Variants in FAM114A1 observed in about 807,000 individuals in gnomAD.
The protein encoded by FAM114A1 is protein NOXP20.
A neutral mutation model predicts 64.3 loss-of-function variants in FAM114A1; 62 were observed. The ratio of observed to expected loss-of-function variants is 0.96; its 90% CI spans 0.79 to 1.19. The LOEUF is 1.19. FAM114A1 is among the 50% of genes most tolerant of loss of function. FAM114A1 has a pLI of 0.00. For missense variants in FAM114A1, 645 were observed against 676.3 expected (o/e 0.95, Z 0.51); for synonymous variants, 254 against 251.1 (o/e 1.01, Z -0.11).
At chr4:38,932,841 A>T (rs115219193) in intron 12 of FAM114A1, among the ~76,000 whole-genome samples, 2,737 of 149,736 alleles carry the variant, frequency 0.018, 80 homozygotes, top group African/African-American at 0.063. Flanking sequence ...TTCTACGGTC[A>T]TCTTAAGAAA....
intron 1 of FAM114A1, 125 bp downstream of exon 1, chr4:38,867,959 C>T: frequency 1.2e-5 from 4 of 324,326 alleles, no homozygotes; most frequent in South Asian, 9.1e-5. Context: ...CGAATCCTGC[C>T]CTCTGCGTTA....
intron 2 of FAM114A1, among the ~76,000 whole-genome samples, chr4:38,873,078 A>G (rs983133068): frequency 6.6e-6 from 1 of 152,176 alleles, no homozygotes; most frequent in East Asian, 1.9e-4. Flanking sequence ...CCTTCTCTAT[A>G]CAGTGGGTTT....
chr4:38,922,186 T>C (rs1288352360), intron 8 of FAM114A1, among the ~76,000 whole-genome samples: 1 of 152,142 alleles, frequency 6.6e-6, no homozygotes, highest in African/African-American at 2.4e-5. Flanking sequence ...GTGATCCGCC[T>C]GCCTCGGCCT....
chr4:38,943,617 A>G lies in FAM114A1; in HGVS notation c.*60A>G, dbSNP rs1721749772. 3 of 1,414,604 alleles carry G rather than the reference A, an allele frequency of 2.1e-6. No homozygotes were observed. Among genetic ancestry groups the G allele is most frequent in the Non-Finnish European group, 3.0e-6 (3 of 1,001,452 alleles). The allele number at this position is 1,414,604 out of a possible 1,614,324, so 87.6% of individuals were successfully genotyped here. Reference sequence around the variant, plus strand: ...TGGCCGCCTTGCCTCAATATGTACCATTTAAGGGGATGTTCTCTGTGCGCC... The same window carrying G: ...TGGCCGCCTTGCCTCAATATGTACCGTTTAAGGGGATGTTCTCTGTGCGCC... On this transcript the variant is annotated 3_prime_UTR_variant, in exon 15 of 15. Transcript: ENST00000358869.
At chr4:38,902,736 C>G (rs1003070868) in intron 4 of FAM114A1, among the ~76,000 whole-genome samples, 10 of 152,124 alleles carry the variant, frequency 6.6e-5, no homozygotes, top group Admixed American at 5.9e-4. Context: ...TGGGATGACA[C>G]ATGAAGAAAT....
rs753488843 is a variant in FAM114A1 at position 38,897,945 on chromosome 4, CA to C, written c.436+6128del. On this transcript the variant is annotated intron_variant, in intron 4 of 14. Coordinates refer to ENST00000358869, the MANE Select transcript of FAM114A1 (RefSeq NM_138389.4). Reference sequence around the variant, plus strand: ...TGGGCAACAGAACAAGACTCTGTTTCAAAAAAAAAAAAAGAAAGAAAAAAGA... The same window carrying C: ...TGGGCAACAGAACAAGACTCTGTTTCAAAAAAAAAAAAGAAAGAAAAAAGA... 4.9e-3 allele frequency among the ~76,000 whole-genome samples: 593 copies of C among 120,106 alleles called. 2 individuals carry two copies. Among genetic ancestry groups the C allele is most frequent in the Admixed American group, 0.016 (183 of 11,394 alleles). The allele number at this position is 120,106 out of a possible 152,430, so 78.8% of individuals were successfully genotyped here. A position where few individuals can be genotyped will look rare whatever the true frequency, so the allele number is the denominator to read the frequency against.
chr4:38,902,352 G>GT (rs1225899598), intron 4 of FAM114A1, among the ~76,000 whole-genome samples: 1 of 152,166 alleles, frequency 6.6e-6, no homozygotes, highest in African/African-American at 2.4e-5. Context: ...GATTTCACAT[G>GT]TTTCTTCTCA....
At chr4:38,900,758 G>A (rs1717435113) in intron 4 of FAM114A1, among the ~76,000 whole-genome samples, 1 of 152,166 alleles carries the variant, frequency 6.6e-6, no homozygotes, top group Admixed American at 6.5e-5. Context: ...GTTGCCAGGG[G>A]CTGGTAAAAG....
At chr4:38,892,641 G>C (rs972889885) in intron 4 of FAM114A1, among the ~76,000 whole-genome samples, 1 of 152,154 alleles carries the variant, frequency 6.6e-6, no homozygotes, top group African/African-American at 2.4e-5. Flanking sequence ...TTTAGCAAAG[G>C]CATTTCATCT....
At chr4:38,887,105 T>G (rs1438437721) in intron 3 of FAM114A1, among the ~76,000 whole-genome samples, 2 of 152,032 alleles carry the variant, frequency 1.3e-5, no homozygotes, top group African/African-American at 4.8e-5. Flanking sequence ...AGGAAGTAAT[T>G]GTGAATCGCA....
chr4:38,880,693 A>G (rs1041218298), intron 3 of FAM114A1, among the ~76,000 whole-genome samples: 26 of 152,212 alleles, frequency 1.7e-4, no homozygotes, highest in African/African-American at 6.0e-4. Flanking sequence ...GTAGGGAGCT[A>G]TGGTTCCCAA....
chr4:38,919,933 G>T lies in FAM114A1; in HGVS notation c.946-2837G>T, dbSNP rs147290196. ...AAAGAGAAACTAATCATTTTCGGCT[G>T]GGCGCGATGGCACACCTGTAATCCC... On this transcript the variant is annotated intron_variant, in intron 8 of 14. Coordinates refer to ENST00000358869, the MANE Select transcript of FAM114A1 (RefSeq NM_138389.4). 1.6e-4 allele frequency among the ~76,000 whole-genome samples: 25 copies of T among 152,296 alleles called. No homozygotes were observed. In the East Asian group the frequency reaches 4.8e-3, roughly 29 times the overall value.
chr4:38,875,320 T>C (rs532802643), intron 2 of FAM114A1, among the ~76,000 whole-genome samples: 2 of 152,334 alleles, frequency 1.3e-5, no homozygotes, highest in African/African-American at 4.8e-5. Context: ...GGAAAATTTT[T>C]CCATTTGTGT....
chr4:38,888,010 A>C (rs189502985), intron 3 of FAM114A1, among the ~76,000 whole-genome samples: 4 of 152,296 alleles, frequency 2.6e-5, no homozygotes, highest in African/African-American at 9.6e-5. Context: ...CTGCTCAAGG[A>C]AATAGAAGAA....
chr4:38,881,520 G>T (rs384680), intron 3 of FAM114A1, among the ~76,000 whole-genome samples: 1 of 152,186 alleles, frequency 6.6e-6, no homozygotes, highest in African/African-American at 2.4e-5. Flanking sequence ...AAGGAGTGGG[G>T]ACAGTACCTG....
intron 3 of FAM114A1, among the ~76,000 whole-genome samples, chr4:38,888,723 A>C (rs115656752): frequency 1.3e-5 from 2 of 152,074 alleles, no homozygotes; most frequent in African/African-American, 4.8e-5. Flanking sequence ...TTTTTCCTCT[A>C]TGTATTAGGA....
At chr4:38,919,291 C>G (rs1045675544) in intron 8 of FAM114A1, among the ~76,000 whole-genome samples, 11 of 152,194 alleles carry the variant, frequency 7.2e-5, no homozygotes, top group African/African-American at 2.7e-4. Context: ...CCAGACTCCT[C>G]AAATTTGAAT....
chr4:38,887,909 A>T (rs910358947), intron 3 of FAM114A1, among the ~76,000 whole-genome samples: 12 of 152,320 alleles, frequency 7.9e-5, no homozygotes, highest in African/African-American at 2.9e-4. Flanking sequence ...CAAAAATTAA[A>T]AAGTGTTGAT....
intron 3 of FAM114A1, among the ~76,000 whole-genome samples, chr4:38,891,189 G>T (rs112546880): frequency 1.3e-5 from 2 of 152,080 alleles, no homozygotes; most frequent in Admixed American, 1.3e-4. Flanking sequence ...AGTGAAGCAG[G>T]GCACCTTGAA....
Sources: gnomAD v4.1 joint callset for allele counts (sites outside exome capture counted in the v4.1 genomes callset) on GRCh38, gnomAD v4.1.1 for gene constraint, MANE v1.5 for transcripts, NCBI Gene and HGNC (gene_info 2026-07-23, HGNC 2026-07-21) for gene names.